TRMT2B: variants seen among roughly 807,000 people sequenced by gnomAD.
TRMT2B encodes tRNA (uracil-5-)-methyltransferase homolog B.
Under a neutral mutation model 39.7 loss-of-function variants are expected in TRMT2B, and 34 were observed. The observed-to-expected ratio is 0.86, with a 90% CI of 0.65 to 1.14. TRMT2B has a LOEUF of 1.14. TRMT2B is among the 50% of genes most tolerant of loss of function. The pLI is 0.00. For synonymous variants in TRMT2B, 132 were observed against 137.3 expected, an observed-to-expected ratio of 0.96 and a Z score of 0.27; for missense variants, 318 against 377.2, an observed-to-expected ratio of 0.84 and a Z score of 1.30.
At chrX:101,029,173 T>C (rs2087296011) in intron 7 of TRMT2B, among the ~76,000 whole-genome samples, 1 of 111,278 alleles carries the variant, frequency 9.0e-6, no homozygotes. Flanking sequence ...ACGCTCATCT[T>C]GGGGTCTTTG....
At chrX:101,007,962 T>G (rs1412756369), downstream of TRMT2B, among the ~76,000 whole-genome samples, 1 of 111,358 alleles carries the variant, frequency 9.0e-6, no homozygotes, top group East Asian at 2.8e-4. Context: ...GGATGGCGAC[T>G]TTGTGAAAAA....
At chrX:100,982,647 T>G in the TRMT2B span, among the ~76,000 whole-genome samples, 1 of 49,291 alleles carries the variant, frequency 2.0e-5, no homozygotes, top group East Asian at 1.2e-3. Context: ...ATCTACAGTT[T>G]TCTTTTTTTT....
downstream of TRMT2B, chrX:101,009,287 G>A (rs768800084): frequency 2.7e-5 from 3 of 110,823 alleles, no homozygotes; most frequent in South Asian, 1.2e-3. Flanking sequence ...TAAATTGTTG[G>A]GCAAGTACCC....
At chrX:101,031,161 G>A (rs750743431) in intron 7 of TRMT2B, among the ~76,000 whole-genome samples, 1 of 110,398 alleles carries the variant, frequency 9.1e-6, no homozygotes, top group East Asian at 2.9e-4. Context: ...TTTTAGTAAA[G>A]ACAGGGTTTT....
intron 2 of TRMT2B, among the ~76,000 whole-genome samples, chrX:101,049,974 C>T (rs2088957196): frequency 9.0e-6 from 1 of 111,634 alleles, no homozygotes; most frequent in African/African-American, 3.3e-5. Flanking sequence ...GAGAGGGGTC[C>T]TGTCCCTCCA....
intron 8 of TRMT2B, 55 bp downstream of exon 8, chrX:101,023,415 A>C: frequency 8.7e-7 from 1 of 1,153,398 alleles, no homozygotes. Flanking sequence ...AACCAATTAC[A>C]GTTATAGTTA....
At chrX:101,024,874 G>A (rs2086985474) in intron 7 of TRMT2B, among the ~76,000 whole-genome samples, 1 of 109,636 alleles carries the variant, frequency 9.1e-6, no homozygotes, top group Non-Finnish European at 1.9e-5. Flanking sequence ...ACACACGCCT[G>A]TAGCCCCAGC....
the TRMT2B span, among the ~76,000 whole-genome samples, chrX:100,993,206 C>A: frequency 1.8e-5 from 2 of 112,067 alleles, no homozygotes; most frequent in Admixed American, 1.9e-4. Context: ...CAAGATGGTA[C>A]AGCTGATGGC....
chrX:101,049,576 T>G (rs2088924191), intron 2 of TRMT2B, among the ~76,000 whole-genome samples: 1 of 106,054 alleles, frequency 9.4e-6, no homozygotes, highest in African/African-American at 3.5e-5. Context: ...GGTGGATCAC[T>G]TGAGGTTAGG....
At chrX:101,048,780 T>C (rs1443791155) in intron 2 of TRMT2B, among the ~76,000 whole-genome samples, 3 of 112,637 alleles carry the variant, frequency 2.7e-5, no homozygotes, top group South Asian at 7.3e-4. Context: ...TCACTAGCTA[T>C]GCGGTTTTAG....
At chrX:101,013,017 T>C (rs2086336724) in intron 13 of TRMT2B, among the ~76,000 whole-genome samples, 1 of 110,561 alleles carries the variant, frequency 9.0e-6, no homozygotes, top group South Asian at 3.9e-4. Flanking sequence ...GACGGGCTTT[T>C]ACCACGTTGG....
At chrX:101,041,644 T>G (rs2088243881) in intron 3 of TRMT2B, among the ~76,000 whole-genome samples, 1 of 112,038 alleles carries the variant, frequency 8.9e-6, no homozygotes, top group African/African-American at 3.2e-5. Context: ...CCTAATGCTT[T>G]TAAAATATAA....
chrX:101,012,869 A>C (rs1304357630), intron 13 of TRMT2B, among the ~76,000 whole-genome samples: 1 of 109,277 alleles, frequency 9.2e-6, no homozygotes, highest in Admixed American at 9.9e-5. Context: ...CCCAGGCTGG[A>C]GTGCAGTGGC....
downstream of TRMT2B, among the ~76,000 whole-genome samples, chrX:101,007,937 G>T (rs2086129421): frequency 9.0e-6 from 1 of 111,139 alleles, no homozygotes; most frequent in South Asian, 3.8e-4. Context: ...GGAGAGAGAT[G>T]ATGGAAGCCT....
chrX:101,043,718 C>T (rs1185119085), intron 2 of TRMT2B: 3 of 111,982 alleles, frequency 2.7e-5, no homozygotes, highest in Non-Finnish European at 5.6e-5. Context: ...GAAACTGAGT[C>T]TTAAAGGATG....
chrX:101,036,997 C>A lies in TRMT2B; in HGVS notation c.515G>T (p.Gly172Val), dbSNP rs760758270. 2.6e-5 allele frequency: 31 copies of A among 1,208,762 alleles called. No homozygotes were observed. Among genetic ancestry groups the A allele is most frequent in the Non-Finnish European group, 3.5e-5 (31 of 894,336 alleles). The stretch of plus-strand genomic sequence containing the variant: ...ACCTCTCCAAGTTCCCAGGTAGAAC[C>A]CCACAGTCTTTGGATTGCCATCTGG... ...RGPDGNPKTV[G>V]FYLGTWRDGN... The change falls in exon 6 of 14, where the codon GGG (glycine) becomes GTG (valine). Residue 172 changes from glycine (G) to valine (V), a missense_variant. Coordinates refer to ENST00000372936, the MANE Select transcript of TRMT2B (RefSeq NM_024917.6).
the TRMT2B span, among the ~76,000 whole-genome samples, chrX:100,976,375 T>G: frequency 1.8e-5 from 2 of 111,100 alleles, no homozygotes; most frequent in Admixed American, 1.9e-4. Flanking sequence ...TTTATTTTGT[T>G]ACTGCATAAC....
chrX:101,045,117 G>C (rs1299844367), intron 2 of TRMT2B, among the ~76,000 whole-genome samples: 2 of 109,238 alleles, frequency 1.8e-5, no homozygotes, highest in African/African-American at 3.3e-5. Context: ...GAGCTCAGGA[G>C]TTCGAAACAA....
At chrX:100,984,291 G>GT in the TRMT2B span, among the ~76,000 whole-genome samples, 371 of 100,869 alleles carry the variant, frequency 3.7e-3, 1 homozygote, top group Middle Eastern at 4.9e-3. Flanking sequence ...GTTGTTTTTT[G>GT]TTTTTTTTTT....
Sources: allele counts gnomAD v4.1 joint callset (sites outside exome capture counted in the v4.1 genomes callset), GRCh38; gene constraint gnomAD v4.1.1; transcripts MANE v1.5; gene names NCBI Gene and HGNC (gene_info 2026-07-23, HGNC 2026-07-21).